The following MVB12B variants were observed in gnomAD, a reference collection of about 807,000 sequenced individuals.
MVB12B encodes the protein multivesicular body subunit 12B, also known as ESCRT-I complex subunit MVB12B.
MVB12B carries 16 observed loss-of-function variants against 41.6 expected under a neutral mutation model. That is an observed-to-expected ratio of 0.38 (90% CI 0.26 to 0.58). The LOEUF is 0.58. MVB12B is among the 20% of genes least tolerant of loss of function. The probability of loss-of-function intolerance (pLI) is 0.62; values close to 1 mark genes in which losing one functional copy is unlikely to be tolerated. For synonymous variants in MVB12B, 133 were observed against 139.7 expected, an observed-to-expected ratio of 0.95 and a Z score of 0.34; for missense variants, 274 against 380.2, an observed-to-expected ratio of 0.72 and a Z score of 2.32.
At chr9:126,421,414 A>C (rs984813525) in intron 6 of MVB12B, among the ~76,000 whole-genome samples, 2 of 152,242 alleles carry the variant, frequency 1.3e-5, no homozygotes, top group African/African-American at 4.8e-5. Flanking sequence ...CTTCATGTGC[A>C]GTGATCCTCA....
intron 7 of MVB12B, among the ~76,000 whole-genome samples, chr9:126,434,510 G>A (rs745653386): frequency 3.3e-5 from 5 of 152,150 alleles, no homozygotes; most frequent in East Asian, 3.8e-4. Flanking sequence ...AGCTTGCCTC[G>A]GTGGCCCTAA....
chr9:126,364,414 C>T (rs549745897), intron 2 of MVB12B, among the ~76,000 whole-genome samples: 3 of 152,286 alleles, frequency 2.0e-5, no homozygotes, highest in African/African-American at 7.2e-5. Flanking sequence ...GCAAGAAGCC[C>T]AGAGCCAGGC....
intron 7 of MVB12B, among the ~76,000 whole-genome samples, chr9:126,457,235 CCATCACCAA>C (rs1372355123): frequency 6.6e-6 from 1 of 152,188 alleles, no homozygotes; most frequent in African/African-American, 2.4e-5. Context: ...CTTCTTCCCT[CCATCACCAA>C]CATTAGCAGT....
intron 2 of MVB12B, among the ~76,000 whole-genome samples, chr9:126,368,585 A>G (rs1207370738): frequency 6.6e-6 from 1 of 152,202 alleles, no homozygotes; most frequent in African/African-American, 2.4e-5. Flanking sequence ...AGAAAATCTA[A>G]ATCATGTAGA....
chr9:126,451,760 G>A (rs868373998), intron 7 of MVB12B, among the ~76,000 whole-genome samples: 4 of 152,076 alleles, frequency 2.6e-5, no homozygotes, highest in Admixed American at 6.6e-5. Flanking sequence ...ATCTGGAGGG[G>A]GTTTATTTAT....
At chr9:126,411,626 T>G (rs1217884790) in intron 6 of MVB12B, among the ~76,000 whole-genome samples, 3 of 152,190 alleles carry the variant, frequency 2.0e-5, no homozygotes, top group Non-Finnish European at 4.4e-5. Flanking sequence ...TGTCTTGGCT[T>G]GTGTCAATTA....
At chr9:126,497,930 C>A (rs11793598) in intron 9 of MVB12B, among the ~76,000 whole-genome samples, 37,300 of 152,162 alleles carry the variant, frequency 0.25, 4,850 homozygotes, top group Non-Finnish European at 0.29. Context: ...TGGGGAGGGG[C>A]CCTGGAATAT....
intron 9 of MVB12B, among the ~76,000 whole-genome samples, chr9:126,501,941 T>C (rs550575060): frequency 2.7e-4 from 41 of 152,170 alleles, no homozygotes; most frequent in African/African-American, 9.9e-4. Context: ...GCTGGGGCGA[T>C]GTGACCCCTG....
intron 2 of MVB12B, among the ~76,000 whole-genome samples, chr9:126,363,651 C>G (rs1173129120): frequency 3.3e-5 from 5 of 152,186 alleles, no homozygotes; most frequent in Non-Finnish European, 7.3e-5. Flanking sequence ...TACTTACCAC[C>G]AAGCGCTGAG....
chr9:126,420,110 T>G (rs1831961461), intron 6 of MVB12B, among the ~76,000 whole-genome samples: 1 of 152,216 alleles, frequency 6.6e-6, no homozygotes, highest in Non-Finnish European at 1.5e-5. Context: ...GAAGCCCCGT[T>G]CCCTTTAACA....
chr9:126,453,634 T>C (rs1832922558), intron 7 of MVB12B, among the ~76,000 whole-genome samples: 1 of 152,238 alleles, frequency 6.6e-6, no homozygotes, highest in Admixed American at 6.5e-5. Flanking sequence ...CTTCTCACTA[T>C]GCCCCTTCTC....
At chr9:126,400,873 C>T (rs920461744) in intron 6 of MVB12B, among the ~76,000 whole-genome samples, 2 of 152,168 alleles carry the variant, frequency 1.3e-5, no homozygotes, top group South Asian at 2.1e-4. Flanking sequence ...CATGAGCTGA[C>T]GATGGGTGGT....
At chr9:126,499,326 G>T (rs1249036163) in intron 9 of MVB12B, among the ~76,000 whole-genome samples, 1 of 152,146 alleles carries the variant, frequency 6.6e-6, no homozygotes, top group Non-Finnish European at 1.5e-5. Flanking sequence ...CCTCAGGCCC[G>T]GGCTGCCCAG....
rs1246107869 is a variant in MVB12B at position 126,389,602 on chromosome 9, C to T, written c.410-2464C>T. ...GCAGACGGAAGAATGGAGCCAAGAG[C>T]AGCGTGGCAACAGCAAGTGAAACAC... is the stretch of plus-strand genomic sequence containing the variant. On this transcript the variant is annotated intron_variant, in intron 4 of 9. Transcript: ENST00000361171. This position sits in a 1 kb window ranked among gnomAD's most constrained non-coding sequence, Gnocchi z 4.4. 6.6e-6 allele frequency among the ~76,000 whole-genome samples: 1 copy of T among 152,178 alleles called. No homozygotes were observed. Among genetic ancestry groups the T allele is most frequent in the East Asian group, 1.9e-4 (1 of 5,202 alleles).
At chr9:126,434,291 A>G (rs1057061291) in intron 7 of MVB12B, among the ~76,000 whole-genome samples, 2 of 152,154 alleles carry the variant, frequency 1.3e-5, no homozygotes, top group African/African-American at 4.8e-5. Flanking sequence ...TGGATGGAAT[A>G]TATTTATCAC....
At chr9:126,410,191 G>A (rs75861091) in intron 6 of MVB12B, among the ~76,000 whole-genome samples, 1 of 151,628 alleles carries the variant, frequency 6.6e-6, no homozygotes, top group Non-Finnish European at 1.5e-5. Context: ...GCACGCGCAT[G>A]CATGCATGTG....
intron 3 of MVB12B, among the ~76,000 whole-genome samples, chr9:126,384,530 T>C (rs1461243694): frequency 2.0e-5 from 3 of 151,958 alleles, no homozygotes; most frequent in Non-Finnish European, 4.4e-5. Context: ...TATATGTGTG[T>C]GTGTATATAT....
chr9:126,368,832 T>A (rs1281805471), intron 2 of MVB12B, among the ~76,000 whole-genome samples: 1 of 152,232 alleles, frequency 6.6e-6, no homozygotes, highest in African/African-American at 2.4e-5. Flanking sequence ...TCTTCCTGAC[T>A]TTTTTCTCTG....
chr9:126,401,670 T>C (rs1009746053), intron 6 of MVB12B, among the ~76,000 whole-genome samples: 1 of 152,260 alleles, frequency 6.6e-6, no homozygotes, highest in African/African-American at 2.4e-5. Flanking sequence ...CGTGGTGATC[T>C]AGAATTCAGG....
Sources: allele counts gnomAD v4.1 joint callset (sites outside exome capture counted in the v4.1 genomes callset), GRCh38; gene constraint gnomAD v4.1.1; non-coding constraint Gnocchi (gnomAD v3.1); transcripts MANE v1.5; gene names NCBI Gene and HGNC (gene_info 2026-07-23, HGNC 2026-07-21).